ASPH: variants seen among roughly 807,000 people sequenced by gnomAD.
ASPH encodes the protein aspartyl/asparaginyl beta-hydroxylase.
In ASPH, 100 loss-of-function variants were observed where a neutral mutation model predicts 118.4. The observed-to-expected ratio is 0.84, with a 90% CI of 0.72 to 1.00. ASPH has a LOEUF of 1.00. Among genes scored for constraint, ASPH ranks in the 50% least tolerant of loss-of-function variants. The pLI, the probability that ASPH is intolerant of heterozygous loss-of-function variation, is 0.00. For synonymous variants in ASPH, 315 were observed against 325.6 expected (o/e 0.97, Z 0.35); for missense variants, 920 against 919.5 (o/e 1.00, Z -0.01).
At chr8:61,663,020 CAAGA>C in intron 3 of ASPH, 1 of 985,324 alleles carries the variant, frequency 1.0e-6, no homozygotes, top group Non-Finnish European at 1.2e-6. Context: ...TGCCCTTCTT[CAAGA>C]GAGAACAAAA....
chr8:61,543,013 TTTGA>T (rs1822517175), intron 21 of ASPH, among the ~76,000 whole-genome samples: 2 of 152,242 alleles, frequency 1.3e-5, no homozygotes, highest in Non-Finnish European at 2.9e-5. Flanking sequence ...TCTCATTTTA[TTTGA>T]TTGTCAATTT....
rs1832023142 is a variant in ASPH at position 61,567,265 on chromosome 8, G to A, written c.1203C>T (p.Ala401=). The A allele has an allele frequency of 1.2e-6, 2 of 1,613,942 alleles. No homozygotes were observed. The highest frequency in any genetic ancestry group is 1.3e-5 in the African/African-American group (1 of 74,880). Residue 401 remains alanine (A), a synonymous_variant, in exon 17 of 25, where the codon GCC becomes GCT. Transcript: ENST00000379454. ...KRRSNEVLRG[A]IETYQEVASL... ...TGGCCACCTCTTGGTAGGTCTCGAT[G>A]GCTCCACGTAGCACCTCATTACTTC...
intron 15 of ASPH, chr8:61,578,790 A>G (rs1836286962): frequency 6.3e-7 from 1 of 1,597,620 alleles, no homozygotes; most frequent in Non-Finnish European, 8.6e-7. Context: ...AGAGATGGAG[A>G]ATGAATTTGT....
intron 2 of ASPH, among the ~76,000 whole-genome samples, chr8:61,682,950 G>A (rs1828841363): frequency 6.6e-6 from 1 of 152,014 alleles, no homozygotes; most frequent in Non-Finnish European, 1.5e-5. Flanking sequence ...GCCAAAAAGT[G>A]GAAACAACCC....
At chr8:61,613,717 C>T (rs887170510) in intron 14 of ASPH, among the ~76,000 whole-genome samples, 2 of 151,960 alleles carry the variant, frequency 1.3e-5, no homozygotes, top group Non-Finnish European at 1.5e-5. Flanking sequence ...GGAAGTGGAG[C>T]GATTAGGAAG....
At chr8:61,650,178 A>C (rs761873116) in intron 5 of ASPH, among the ~76,000 whole-genome samples, 8 of 152,272 alleles carry the variant, frequency 5.3e-5, no homozygotes, top group Non-Finnish European at 8.8e-5. Flanking sequence ...TGGGGAAGGA[A>C]GGCTTGAGGA....
intron 1 of ASPH, among the ~76,000 whole-genome samples, chr8:61,693,339 T>C (rs1833122846): frequency 6.6e-6 from 1 of 152,186 alleles, no homozygotes; most frequent in South Asian, 2.1e-4. Context: ...CAAGCGGCCA[T>C]CCTAACAGAT....
intron 21 of ASPH, among the ~76,000 whole-genome samples, chr8:61,544,773 T>C (rs36085136): frequency 0.029 from 4,485 of 152,304 alleles, 90 homozygotes; most frequent in Non-Finnish European, 0.05. Flanking sequence ...AGAGACATGG[T>C]CCCTGTCATC....
intron 18 of ASPH, among the ~76,000 whole-genome samples, chr8:61,562,397 G>C (rs981154037): frequency 4.7e-5 from 7 of 148,698 alleles, no homozygotes; most frequent in African/African-American, 7.4e-5. Context: ...GTCTGTGTGT[G>C]TGTGTGTGTG....
At chr8:61,539,561 G>A (rs1023822747) in intron 21 of ASPH, among the ~76,000 whole-genome samples, 2 of 152,060 alleles carry the variant, frequency 1.3e-5, no homozygotes, top group Non-Finnish European at 2.9e-5. Context: ...ACCTTACTGG[G>A]AAGCTGCTGA....
chr8:61,714,376 C>T lies in ASPH; in HGVS notation c.-5G>A. The stretch of plus-strand genomic sequence containing the variant: ...GGCATTCTTACGCTGGGCCATTGCA[C>T]GGTCCGCGGGGGCTGGTGAGGGCTG... On this transcript the variant is annotated 5_prime_UTR_variant, in exon 1 of 25. It adds an upstream start codon to the 5' untranslated region. Transcript: ENST00000379454. 1.3e-6 allele frequency: 2 copies of T among 1,510,250 alleles called. No individual in the cohort carries two copies. The highest frequency in any genetic ancestry group is 1.8e-6 in the Non-Finnish European group (2 of 1,128,816). 93.6% of individuals were successfully genotyped at this position (1,510,250 alleles called of 1,614,324 possible). A position where few individuals can be genotyped will look rare whatever the true frequency, so the allele number is the denominator to read the frequency against.
chr8:61,611,029 A>G (rs1847173148), intron 14 of ASPH, among the ~76,000 whole-genome samples: 2 of 152,192 alleles, frequency 1.3e-5, no homozygotes, highest in African/African-American at 4.8e-5. Context: ...GAATGAATAA[A>G]TTTTTAAAGG....
At chr8:61,679,064 T>C (rs1826662526) in intron 3 of ASPH, among the ~76,000 whole-genome samples, 1 of 152,112 alleles carries the variant, frequency 6.6e-6, no homozygotes, top group Admixed American at 6.6e-5. Flanking sequence ...CAAGTTAAGG[T>C]TGCATTTCAT....
At chr8:61,633,804 AATG>A in intron 12 of ASPH, 77 bp from the exon 13 acceptor site, 1 of 980,598 alleles carries the variant, frequency 1.0e-6, no homozygotes, top group Non-Finnish European at 1.5e-6. Context: ...AGATTTAAGT[AATG>A]ATGATACTTT....
At chr8:61,555,862 G>T in intron 19 of ASPH, 62 bp downstream of exon 19, 1 of 1,408,276 alleles carries the variant, frequency 7.1e-7, no homozygotes, top group Non-Finnish European at 1.0e-6. Context: ...GAATAAGCAA[G>T]TGTGTCCCAA....
At chr8:61,706,453 A>AG (rs1199132245) in intron 1 of ASPH, among the ~76,000 whole-genome samples, 1 of 144,362 alleles carries the variant, frequency 6.9e-6, no homozygotes, top group African/African-American at 2.7e-5. Context: ...AAGAAGAAGA[A>AG]GAAGGAGGAA....
intron 24 of ASPH, among the ~76,000 whole-genome samples, chr8:61,511,856 G>A (rs987244349): frequency 4.6e-5 from 7 of 152,004 alleles, no homozygotes; most frequent in Non-Finnish European, 7.4e-5. Flanking sequence ...CGCCTGCCTC[G>A]GCTTCCCAAA....
intron 14 of ASPH, among the ~76,000 whole-genome samples, chr8:61,602,453 C>A (rs997421749): frequency 6.6e-6 from 1 of 151,272 alleles, no homozygotes; most frequent in African/African-American, 2.5e-5. Context: ...CTTTCTCAAT[C>A]TGAGAATGAG....
intron 3 of ASPH, chr8:61,663,795 A>G: frequency 2.0e-6 from 2 of 979,574 alleles, no homozygotes; most frequent in Non-Finnish European, 2.4e-6. Context: ...GTATAATTCT[A>G]TTGAGTTGAA....
Sources: gnomAD v4.1 joint callset for allele counts (sites outside exome capture counted in the v4.1 genomes callset) on GRCh38, gnomAD v4.1.1 for gene constraint, MANE v1.5 for transcripts, NCBI Gene and HGNC (gene_info 2026-07-23, HGNC 2026-07-21) for gene names.